Variants in POTEC observed in about 807,000 individuals in gnomAD.
POTEC encodes ANKRD26-like family B member 2.
In POTEC, 35 loss-of-function variants were observed where a neutral mutation model predicts 62.0. The ratio of observed to expected loss-of-function variants is 0.56; its 90% CI spans 0.43 to 0.75. The LOEUF is 0.75. Ranked by LOEUF, POTEC falls within the 30% of genes least tolerant of loss-of-function variation. POTEC has a pLI of 0.00. For missense variants in POTEC, 472 were observed against 655.9 expected, an observed-to-expected ratio of 0.72 and a Z score of 3.06; for synonymous variants, 156 against 221.5, an observed-to-expected ratio of 0.70 and a Z score of 2.62.
intron 6 of POTEC, among the ~76,000 whole-genome samples, chr18:14,526,745 G>A (rs1241050013): frequency 1.3e-5 from 2 of 152,180 alleles, no homozygotes; most frequent in Non-Finnish European, 2.9e-5. Context: ...ACGATGTAGA[G>A]TAGGGCAGAA....
In POTEC at chr18:14,509,466, T is replaced by A. The variant is rs896484350; in HGVS notation, c.*2432A>T. 1.3e-5 allele frequency: 2 copies of A among 151,784 alleles called. No individual in the cohort carries two copies. The highest frequency in any genetic ancestry group is 4.8e-5 in the African/African-American group (2 of 41,316). The allele number at this position is 151,784 out of a possible 1,614,324, so 9.4% of individuals were successfully genotyped here. On this transcript the variant is annotated 3_prime_UTR_variant, in exon 11 of 11. Coordinates refer to ENST00000358970, the MANE Select transcript of POTEC (RefSeq NM_001137671.2). ...GGTGTGGGTTGGGGTGTGTGCTGCA[T>A]TCCCATATGCTGTTAGGGCAAGTAC...
intron 7 of POTEC, among the ~76,000 whole-genome samples, chr18:14,524,420 T>A (rs1910386248): frequency 6.6e-6 from 1 of 152,150 alleles, no homozygotes; most frequent in Non-Finnish European, 1.5e-5. Flanking sequence ...GCCGTGATTA[T>A]TCTTCAACCA....
At chr18:14,525,444 T>C (rs1221443211) in intron 6 of POTEC, among the ~76,000 whole-genome samples, 1 of 152,042 alleles carries the variant, frequency 6.6e-6, no homozygotes, top group East Asian at 1.9e-4. Context: ...AGGTATGGGC[T>C]CCAGACATCC....
At position 14,507,542 on chromosome 18, in the gene POTEC, C is replaced by T. The variant is rs1049752578; in HGVS notation, c.*4356G>A. ...CTTGGTTCTTTATCCAGCTTGCCCCCTGTGTCTTTCAATTGGAGCATTTAG... is the reference window on the plus strand; with the variant it reads ...CTTGGTTCTTTATCCAGCTTGCCCCTTGTGTCTTTCAATTGGAGCATTTAG... On this transcript the variant is annotated 3_prime_UTR_variant, in exon 11 of 11. Transcript: ENST00000358970. 3.4e-5 allele frequency: 5 copies of T among 145,720 alleles called. No homozygotes were observed. The highest frequency in any genetic ancestry group is 1.4e-4 in the African/African-American group (5 of 35,532). The allele number at this position is 145,720 out of a possible 1,614,324, so 9.0% of individuals were successfully genotyped here. A position where few individuals can be genotyped will look rare whatever the true frequency, so the allele number is the denominator to read the frequency against.
intron 4 of POTEC, among the ~76,000 whole-genome samples, chr18:14,534,026 A>C: frequency 1.4e-5 from 2 of 146,704 alleles, no homozygotes; most frequent in African/African-American, 2.5e-5. Flanking sequence ...TGCACCCACT[A>C]ACTCGTCATC....
chr18:14,536,787 ACAC>A (rs887051519), intron 3 of POTEC, among the ~76,000 whole-genome samples: 1 of 152,092 alleles, frequency 6.6e-6, no homozygotes, highest in Non-Finnish European at 1.5e-5. Context: ...TTTGCTGAAA[ACAC>A]CACAAAATTT....
chr18:14,533,378 G>A (rs1181549758), intron 4 of POTEC, among the ~76,000 whole-genome samples, 180 bp from the exon 5 acceptor site: 3 of 152,002 alleles, frequency 2.0e-5, no homozygotes, highest in African/African-American at 7.2e-5. Context: ...ATACCACCAA[G>A]GTTAAAAGGA....
chr18:14,541,640 G>C (rs184533635), intron 1 of POTEC, among the ~76,000 whole-genome samples: 1 of 151,986 alleles, frequency 6.6e-6, no homozygotes, highest in Admixed American at 6.6e-5. Context: ...GTCTGTCTCA[G>C]AAAAATAAAT....
rs1411344568 is a variant in POTEC at position 14,542,844 on chromosome 18, C to T, written c.303G>A (p.Trp101Ter). Reference sequence around the variant, plus strand: ...TGCAGCAGGGGAAGCAGTGACAGCACCACTTGCCCATCTTGCTCCTGAGCG... The same window carrying T: ...TGCAGCAGGGGAAGCAGTGACAGCATCACTTGCCCATCTTGCTCCTGAGCG... ...MKTLRSKMGK[W>*]CCHCFPCCRG... Residue 101 changes from tryptophan (W) to a stop codon, truncating the protein, a stop_gained, in exon 1 of 11, where the codon TGG (tryptophan) becomes TGA (stop). Coordinates refer to ENST00000358970, the MANE Select transcript of POTEC (RefSeq NM_001137671.2). LOFTEE classifies it high-confidence loss of function. 8.7e-6 allele frequency: 14 copies of T among 1,609,104 alleles called. No homozygotes were observed. The highest frequency in any genetic ancestry group is 1.2e-5 in the Non-Finnish European group (14 of 1,176,702).
intron 6 of POTEC, among the ~76,000 whole-genome samples, chr18:14,530,182 T>C (rs1038204067): frequency 4.6e-5 from 7 of 151,834 alleles, no homozygotes; most frequent in Non-Finnish European, 8.8e-5. Context: ...TATGAGAATC[T>C]AATGCCTGAT....
chr18:14,527,117 CTG>C (rs1279302180), intron 6 of POTEC, among the ~76,000 whole-genome samples: 1 of 151,982 alleles, frequency 6.6e-6, no homozygotes, highest in Non-Finnish European at 1.5e-5. Flanking sequence ...AAAAATCACA[CTG>C]TGTTTGAGTC....
At chr18:14,541,565 G>A (rs1364812155) in intron 1 of POTEC, among the ~76,000 whole-genome samples, 1 of 152,144 alleles carries the variant, frequency 6.6e-6, no homozygotes, top group Non-Finnish European at 1.5e-5. Context: ...ACTTGAACCA[G>A]GAACCAGAGG....
In POTEC at chr18:14,531,340, A is replaced by G. The variant is rs868626861; in HGVS notation, c.1056-787T>C. ...TTGGAGCAATGATCCTTCTCTATAG[A>G]CTCAAACTCTGAGCCAGCAGATGTT... On this transcript the variant is annotated intron_variant, in intron 5 of 10. Transcript: ENST00000358970. Among the ~76,000 whole-genome samples, 104 of 150,692 alleles carry G rather than the reference A, an allele frequency of 6.9e-4. 1 individual carries two copies. Among genetic ancestry groups the G allele is most frequent in the Middle Eastern group, 3.4e-3 (1 of 294 alleles).
chr18:14,521,893 A>G (rs1293183031), intron 9 of POTEC, among the ~76,000 whole-genome samples: 3 of 152,006 alleles, frequency 2.0e-5, no homozygotes, highest in South Asian at 2.1e-4. Context: ...CCAAAAAACT[A>G]CCTCTCGAGT....
intron 9 of POTEC, among the ~76,000 whole-genome samples, chr18:14,514,140 C>A (rs1910087263): frequency 6.6e-6 from 1 of 151,974 alleles, no homozygotes; most frequent in African/African-American, 2.4e-5. Flanking sequence ...TTTCCTGCAA[C>A]TAGATGGTCT....
intron 7 of POTEC, 53 bp downstream of exon 7, chr18:14,524,860 A>C: frequency 3.8e-6 from 6 of 1,587,194 alleles, no homozygotes; most frequent in Non-Finnish European, 5.1e-6. Context: ...TAATATCGTT[A>C]AAGCAAAGAA....
intron 3 of POTEC, among the ~76,000 whole-genome samples, chr18:14,536,985 A>G (rs1374273408): frequency 2.6e-5 from 4 of 151,694 alleles, no homozygotes; most frequent in Non-Finnish European, 4.4e-5. Flanking sequence ...TATTCCTTCT[A>G]CTCAAGGGTT....
intron 6 of POTEC, chr18:14,529,009 G>T: frequency 4.4e-6 from 2 of 454,422 alleles, no homozygotes; most frequent in South Asian, 3.1e-5. Context: ...CTTGTTGCAT[G>T]TTCCTTCTGC....
chr18:14,537,093 C>A (rs1257146799), intron 3 of POTEC, among the ~76,000 whole-genome samples: 4 of 149,450 alleles, frequency 2.7e-5, no homozygotes, highest in African/African-American at 9.8e-5. Flanking sequence ...CTCCCTCTCC[C>A]AAACTGAAAA....
Sources: gnomAD v4.1 joint callset for allele counts (sites outside exome capture counted in the v4.1 genomes callset) on GRCh38, gnomAD v4.1.1 for gene constraint, MANE v1.5 for transcripts, NCBI Gene and HGNC (gene_info 2026-07-23, HGNC 2026-07-21) for gene names.